Variants in CNNM1 observed in about 807,000 individuals in gnomAD.
CNNM1 encodes cyclin and CBS domain divalent metal cation transport mediator 1.
In CNNM1, 44 loss-of-function variants were observed where a neutral mutation model predicts 78.8. The ratio of observed to expected loss-of-function variants is 0.56; its 90% CI spans 0.44 to 0.72. The LOEUF (loss-of-function observed/expected upper bound fraction) is 0.72. Ranked by LOEUF, CNNM1 falls within the 30% of genes least tolerant of loss-of-function variation. CNNM1 has a pLI of 0.00. For synonymous variants in CNNM1, 584 were observed against 581.5 expected, an observed-to-expected ratio of 1.00 and a Z score of -0.06; for missense variants, 1,101 against 1,292.2, an observed-to-expected ratio of 0.85 and a Z score of 2.27.
rs75241922 is a variant in CNNM1 at position 99,390,080 on chromosome 10, G to T, written c.2675-226G>T. ...GACTTTGCATGGATCGTTGGATTCCGGCTCCTGTTCTCCATCTTTTTGTTC... is the reference window on the plus strand; with the variant it reads ...GACTTTGCATGGATCGTTGGATTCCTGCTCCTGTTCTCCATCTTTTTGTTC... On this transcript the variant is annotated intron_variant, in intron 9 of 10. Coordinates refer to ENST00000356713, the MANE Select transcript of CNNM1 (RefSeq NM_020348.3). Among the ~76,000 whole-genome samples the T allele has an allele frequency of 7.4e-3, 1,133 of 152,214 alleles. 10 individuals are homozygous for T. The highest frequency in any genetic ancestry group is 0.011 in the Non-Finnish European group (734 of 68,014).
intron 1 of CNNM1, among the ~76,000 whole-genome samples, chr10:99,334,625 T>C (rs1047655434): frequency 2.0e-5 from 3 of 152,168 alleles, no homozygotes; most frequent in African/African-American, 7.2e-5. Context: ...TACTCCAGCC[T>C]GGGTGACAGA....
chr10:99,343,349 C>T (rs1016803150), intron 1 of CNNM1, among the ~76,000 whole-genome samples: 3 of 152,034 alleles, frequency 2.0e-5, no homozygotes, highest in African/African-American at 7.3e-5. Flanking sequence ...GTTGCAAAGG[C>T]GTTATGTTTA....
Position 99,362,324 on chromosome 10 carries a change from G to T in CNNM1, c.1956G>T (p.Lys652Asn), listed in dbSNP as rs2134050831. The change falls in exon 4 of 11, where the codon AAG becomes AAT. Residue 652 changes from lysine to asparagine, a missense_variant. By Grantham distance (94) the Lys-to-Asn change is moderately conservative (BLOSUM62 0). Coordinates refer to ENST00000356713, the MANE Select transcript of CNNM1 (RefSeq NM_020348.3). ...TCCAGGAGCTGAAGTTTGATGAGAA[G>T]AACAAGAAGGCCCCGGAACACTACC... ...NVIQELKFDE[K>N]NKKAPEHYLY... 1 of 1,614,012 alleles carries T rather than the reference G, an allele frequency of 6.2e-7. No homozygotes were observed. The highest frequency in any genetic ancestry group is 8.5e-7 in the Non-Finnish European group (1 of 1,179,882).
intron 3 of CNNM1, 66 bp downstream of exon 3, chr10:99,361,041 C>T (rs765649840): frequency 2.1e-6 from 3 of 1,462,022 alleles, no homozygotes; most frequent in East Asian, 2.4e-5. Context: ...AGGCACCAAT[C>T]GTTGTTAATA....
intron 2 of CNNM1, among the ~76,000 whole-genome samples, chr10:99,358,987 A>G (rs933988960): frequency 8.3e-6 from 1 of 120,592 alleles, no homozygotes; most frequent in Admixed American, 1.1e-4. Context: ...AGCCTGGGTG[A>G]CAGGGCAAGA....
At chr10:99,375,537 C>G (rs536320082) in intron 6 of CNNM1, among the ~76,000 whole-genome samples, 2 of 152,258 alleles carry the variant, frequency 1.3e-5, no homozygotes, top group South Asian at 4.2e-4. Context: ...ATAATCAGAT[C>G]AAGGCAGTGA....
intron 4 of CNNM1, among the ~76,000 whole-genome samples, chr10:99,363,251 A>G (rs1165792426): frequency 6.6e-6 from 1 of 152,124 alleles, no homozygotes; most frequent in Admixed American, 6.5e-5. Flanking sequence ...TGTCACTGTA[A>G]CTTGCCTCAC....
chr10:99,389,436 AAAAT>A (rs948307083), intron 9 of CNNM1, among the ~76,000 whole-genome samples: 1 of 151,880 alleles, frequency 6.6e-6, no homozygotes, highest in African/African-American at 2.4e-5. Flanking sequence ...AAAAAAAAAA[AAAAT>A]TTAAAGTCAA....
At chr10:99,376,988 C>G in intron 6 of CNNM1, 67 bp from the exon 7 acceptor site, 1 of 1,263,192 alleles carries the variant, frequency 7.9e-7, no homozygotes, top group Non-Finnish European at 1.1e-6. Flanking sequence ...TCCCTGTCTC[C>G]CTCCCTCCCC....
rs1018932606 is a variant in CNNM1, at chr10:99,391,697, C to T, written c.*181C>T. ...TTTTCCCTCGTTACCTCCAGTTCGA[C>T]TCAGAACCTTGACATGGCCATAACA... On this transcript the variant is annotated 3_prime_UTR_variant, in exon 11 of 11. Coordinates refer to ENST00000356713, the MANE Select transcript of CNNM1 (RefSeq NM_020348.3). The T allele has an allele frequency of 1.7e-6, 1 of 580,296 alleles. No individual in the cohort carries two copies. Among genetic ancestry groups the T allele is most frequent in the East Asian group, 2.9e-5 (1 of 34,236 alleles). 35.9% of individuals were successfully genotyped at this position (580,296 alleles called of 1,614,324 possible). A position where few individuals can be genotyped will look rare whatever the true frequency, so the allele number is the denominator to read the frequency against.
chr10:99,354,291 TAGGATGTAGTTGTTTCCAAGA>T (rs2031053425), intron 1 of CNNM1, among the ~76,000 whole-genome samples: 1 of 152,102 alleles, frequency 6.6e-6, no homozygotes, highest in Admixed American at 6.6e-5. Context: ...CCAAACTGGG[TAGGATGTAGTTGTTTCCAAGA>T]AGGATAATTT....
Position 99,330,919 on chromosome 10 carries a change from A to G in CNNM1, c.1532A>G (p.Asn511Ser), listed in dbSNP as rs1850603796. 3.7e-6 allele frequency: 6 copies of G among 1,613,924 alleles called. No homozygotes were observed. Among genetic ancestry groups the G allele is most frequent in the Non-Finnish European group, 5.1e-6 (6 of 1,179,980 alleles). ...FYNRPLHCVFNDTRLDTVLEE... is the reference protein window; with the variant it reads ...FYNRPLHCVFSDTRLDTVLEE... Reference sequence around the variant, plus strand: ...AACCGGCCCCTGCATTGTGTTTTCAATGACACCCGACTGGACACGGTTCTG... The same window carrying G: ...AACCGGCCCCTGCATTGTGTTTTCAGTGACACCCGACTGGACACGGTTCTG... Residue 511 changes from asparagine (N) to serine (S), a missense_variant, in exon 1 of 11, where the codon AAT becomes AGT. Asn to Ser is a conservative substitution (Grantham distance 46). This residue lies in a region of CNNM1 where 277 missense variants were observed against 423.2 expected (regional missense o/e 0.65). Coordinates refer to ENST00000356713, the MANE Select transcript of CNNM1 (RefSeq NM_020348.3).
At chr10:99,390,741 G>A (rs765466058) in intron 10 of CNNM1, among the ~76,000 whole-genome samples, 16 of 152,244 alleles carry the variant, frequency 1.1e-4, no homozygotes, top group Non-Finnish European at 2.4e-4. Context: ...CAATGTCAGA[G>A]TCGAGTAATT....
intron 1 of CNNM1, 32 bp from the exon 2 acceptor site, chr10:99,357,480 G>A (rs777913777): frequency 1.6e-5 from 25 of 1,594,524 alleles, no homozygotes; most frequent in African/African-American, 2.7e-5. Flanking sequence ...AAATGTCCCC[G>A]ATACTTAACT....
intron 3 of CNNM1, among the ~76,000 whole-genome samples, chr10:99,361,241 T>C (rs1024527278): frequency 6.6e-6 from 1 of 152,198 alleles, no homozygotes; most frequent in Non-Finnish European, 1.5e-5. Flanking sequence ...TTGCTGCACT[T>C]TTCCCTCTTC....
chr10:99,351,096 G>A (rs772764977), intron 1 of CNNM1, among the ~76,000 whole-genome samples: 15 of 152,196 alleles, frequency 9.9e-5, no homozygotes, highest in Non-Finnish European at 2.2e-4. Flanking sequence ...TGGGTATGTC[G>A]ATACGAGGTA....
In CNNM1 at chr10:99,365,039, T is replaced by A. The variant is rs1202592145; in HGVS notation, c.2176+37T>A. On this transcript the variant is annotated intron_variant, in intron 6 of 10. Coordinates refer to ENST00000356713, the MANE Select transcript of CNNM1 (RefSeq NM_020348.3). ...TCAAACCCCTTCCTCGTCCTCCCCATCGTAGTCCTGCCTCAGCCCGCTCTG... is the reference window on the plus strand; with the variant it reads ...TCAAACCCCTTCCTCGTCCTCCCCAACGTAGTCCTGCCTCAGCCCGCTCTG... 6 of 1,611,364 alleles carry A rather than the reference T, an allele frequency of 3.7e-6. No homozygotes were observed. The East Asian group carries it at 1.3e-4, about 36-fold the overall frequency.
In CNNM1 at chr10:99,329,543, A is replaced by G. The variant is rs2134005421; in HGVS notation, c.156A>G (p.Gly52=). The G allele has an allele frequency of 1.3e-6, 2 of 1,520,012 alleles. No individual in the cohort carries two copies. Among genetic ancestry groups the G allele is most frequent in the East Asian group, 5.3e-5 (2 of 37,608 alleles). The allele number at this position is 1,520,012 out of a possible 1,614,324, so 94.2% of individuals were successfully genotyped here. The change falls in exon 1 of 11, where the codon GGA becomes GGG. Residue 52 remains glycine (G), a synonymous_variant. Coordinates refer to ENST00000356713, the MANE Select transcript of CNNM1 (RefSeq NM_020348.3). ...LLGLRPEDTA[G]GRVSLEGGTL... ...GCCTGCGGCCCGAGGACACTGCTGG[A>G]GGCCGCGTGTCCCTGGAGGGGGGCA...
intron 1 of CNNM1, among the ~76,000 whole-genome samples, chr10:99,349,192 A>T (rs2134030486): frequency 6.6e-6 from 1 of 152,340 alleles, no homozygotes; most frequent in South Asian, 2.1e-4. Flanking sequence ...TGAGCGGAAG[A>T]TCAAAGACAG....
Sources: gnomAD v4.1 joint callset for allele counts (sites outside exome capture counted in the v4.1 genomes callset) on GRCh38, gnomAD v4.1.1 for gene constraint, gnomAD v4.1.1 regional missense constraint, MANE v1.5 for transcripts, NCBI Gene and HGNC (gene_info 2026-07-23, HGNC 2026-07-21) for gene names.